The following SGCZ variants were observed in gnomAD, a reference collection of about 807,000 sequenced individuals.
SGCZ encodes the protein zeta-sarcoglycan.
Under a neutral mutation model 41.3 loss-of-function variants are expected in SGCZ, and 40 were observed. The ratio of observed to expected loss-of-function variants is 0.97; its 90% confidence interval spans 0.75 to 1.26. The LOEUF is 1.26. SGCZ is among the 50% of genes most tolerant of loss of function. The pLI, the probability that SGCZ is intolerant of heterozygous loss-of-function variation, is 0.00. For synonymous variants in SGCZ, 206 were observed against 137.5 expected, an observed-to-expected ratio of 1.50 and a Z score of -3.49; for missense variants, 552 against 369.8, an observed-to-expected ratio of 1.49 and a Z score of -4.04.
intron 4 of SGCZ, among the ~76,000 whole-genome samples, chr8:14,232,433 CTTTG>C (rs774594253): frequency 3.0e-4 from 45 of 151,982 alleles, no homozygotes; most frequent in Admixed American, 8.5e-4. Context: ...ACAAATATCA[CTTTG>C]TTTAATTGCT....
intron 2 of SGCZ, among the ~76,000 whole-genome samples, chr8:14,469,732 C>T (rs997478268): frequency 5.9e-5 from 9 of 151,866 alleles, no homozygotes; most frequent in African/African-American, 1.5e-4. Flanking sequence ...GTTAAGTTAA[C>T]GGCCAATGGC....
At position 14,920,943 on chromosome 8, in the gene SGCZ, G is replaced by A. The variant is rs890834134; in HGVS notation, c.39+316642C>T. 6.6e-5 allele frequency among the ~76,000 whole-genome samples: 10 copies of A among 152,114 alleles called. No individual in the cohort carries two copies. In the East Asian group the frequency reaches 1.9e-3, roughly 29 times the overall value. On this transcript the variant is annotated intron_variant, in intron 1 of 7. Transcript: ENST00000382080. ...CAGCCATCAGCATAGTGGCTTCTACGCTCAGAACATTGAGACATTGACCTT... is the reference window on the plus strand; with the variant it reads ...CAGCCATCAGCATAGTGGCTTCTACACTCAGAACATTGAGACATTGACCTT...
intron 1 of SGCZ, among the ~76,000 whole-genome samples, chr8:14,609,785 T>C (rs1173032507): frequency 6.6e-6 from 1 of 152,150 alleles, no homozygotes; most frequent in African/African-American, 2.4e-5. Flanking sequence ...ACATGTCTCA[T>C]TTCTCTTTAA....
At chr8:14,816,669 T>G (rs1801911069) in intron 1 of SGCZ, among the ~76,000 whole-genome samples, 1 of 114,458 alleles carries the variant, frequency 8.7e-6, no homozygotes, top group African/African-American at 4.4e-5. Flanking sequence ...TTAACCATGT[T>G]AAAATCACAG....
intron 1 of SGCZ, among the ~76,000 whole-genome samples, chr8:14,922,765 A>C (rs1412341222): frequency 1.3e-5 from 2 of 152,206 alleles, no homozygotes; most frequent in Admixed American, 6.5e-5. Flanking sequence ...ATAAAATAAC[A>C]ATTCAGTGCA....
At chr8:14,475,502 C>T (rs1290280290) in intron 2 of SGCZ, among the ~76,000 whole-genome samples, 1 of 152,092 alleles carries the variant, frequency 6.6e-6, no homozygotes, top group African/African-American at 2.4e-5. Flanking sequence ...AAAAGAGAAC[C>T]CATGTGACTC....
At chr8:14,449,469 C>T (rs1800528771) in intron 2 of SGCZ, among the ~76,000 whole-genome samples, 1 of 152,054 alleles carries the variant, frequency 6.6e-6, no homozygotes, top group South Asian at 2.1e-4. Flanking sequence ...TCTATCATGC[C>T]CATTGCTACC....
At chr8:14,549,396 G>A (rs1803731455) in intron 2 of SGCZ, among the ~76,000 whole-genome samples, 1 of 151,916 alleles carries the variant, frequency 6.6e-6, no homozygotes, top group East Asian at 1.9e-4. Flanking sequence ...TAGGAGACAA[G>A]GACATTCATT....
intron 1 of SGCZ, among the ~76,000 whole-genome samples, chr8:14,613,450 G>T (rs1488771639): frequency 6.6e-6 from 1 of 152,014 alleles, no homozygotes; most frequent in African/African-American, 2.4e-5. Context: ...GCTCTTTTGG[G>T]ACCATGAAAT....
chr8:14,267,906 C>A (rs773309956), intron 3 of SGCZ, among the ~76,000 whole-genome samples: 3 of 151,822 alleles, frequency 2.0e-5, no homozygotes, highest in Non-Finnish European at 4.4e-5. Flanking sequence ...CATTTAGGTT[C>A]TTTCTGCATT....
rs1806000262 is a variant in SGCZ, at chr8:14,613,631, G to A, written c.40-58705C>T. 3.3e-5 allele frequency among the ~76,000 whole-genome samples: 5 copies of A among 152,132 alleles called. No homozygotes were observed. In the South Asian group the frequency reaches 8.3e-4, roughly 25 times the overall value. ...TTCAGAGCATGCAGAATTTGCAGGG[G>A]TATACGCCATTAAATCATGTAAATG... On this transcript the variant is annotated intron_variant, in intron 1 of 7. Coordinates refer to ENST00000382080, the MANE Select transcript of SGCZ (RefSeq NM_139167.4).
At chr8:14,568,331 A>C (rs111971316) in intron 1 of SGCZ, among the ~76,000 whole-genome samples, 20,364 of 151,324 alleles carry the variant, frequency 0.13, 1,463 homozygotes, top group East Asian at 0.3. Context: ...GCAAACCACC[A>C]TGGCACATGT....
intron 1 of SGCZ, among the ~76,000 whole-genome samples, chr8:14,731,515 C>T (rs1810238794): frequency 6.6e-6 from 1 of 152,004 alleles, no homozygotes; most frequent in Non-Finnish European, 1.5e-5. Flanking sequence ...GCACATGTAT[C>T]CTACAACTTA....
At chr8:14,407,389 C>T (rs35827496) in intron 2 of SGCZ, among the ~76,000 whole-genome samples, 81 of 152,168 alleles carry the variant, frequency 5.3e-4, no homozygotes, top group African/African-American at 1.9e-3. Flanking sequence ...GATAAGAACA[C>T]TGAGTTTCAG....
chr8:14,684,711 G>A (rs117018240), intron 1 of SGCZ, among the ~76,000 whole-genome samples: 5,074 of 149,668 alleles, frequency 0.034, 113 homozygotes, highest in South Asian at 0.095. Context: ...TTTTTTTTTG[G>A]TTTTTGGTAA....
intron 2 of SGCZ, among the ~76,000 whole-genome samples, chr8:14,462,094 A>G (rs1179843440): frequency 6.6e-6 from 1 of 152,040 alleles, no homozygotes; most frequent in Non-Finnish European, 1.5e-5. Context: ...ATTCTATATT[A>G]TCCAGAATAA....
intron 2 of SGCZ, among the ~76,000 whole-genome samples, chr8:14,430,570 A>C (rs1799915843): frequency 6.6e-6 from 1 of 152,128 alleles, no homozygotes; most frequent in African/African-American, 2.4e-5. Flanking sequence ...CCCGTATAAC[A>C]AACCCACGGC....
chr8:15,099,999 C>A (rs1465556669), intron 1 of SGCZ, among the ~76,000 whole-genome samples: 1 of 152,040 alleles, frequency 6.6e-6, no homozygotes, highest in African/African-American at 2.4e-5. Flanking sequence ...CAATATCCTA[C>A]TTTAATGTTC....
intron 1 of SGCZ, among the ~76,000 whole-genome samples, chr8:14,680,873 G>C (rs1808420256): frequency 6.8e-6 from 1 of 147,816 alleles, no homozygotes; most frequent in South Asian, 2.1e-4. Context: ...AGGATTAACA[G>C]CACATTGGAC....
Sources: allele counts gnomAD v4.1 joint callset (sites outside exome capture counted in the v4.1 genomes callset), GRCh38; gene constraint gnomAD v4.1.1; transcripts MANE v1.5; gene names NCBI Gene and HGNC (gene_info 2026-07-23, HGNC 2026-07-21).